ADAMTS9: variants seen among roughly 807,000 people sequenced by gnomAD.
ADAMTS9 encodes ADAM metallopeptidase with thrombospondin type 1 motif 9, also known as A disintegrin and metalloproteinase with thrombospondin motifs 9.
Under a neutral mutation model 257.1 loss-of-function variants are expected in ADAMTS9, and 107 were observed. That is an observed-to-expected ratio of 0.42 (90% CI 0.36 to 0.49). The LOEUF (loss-of-function observed/expected upper bound fraction) is 0.49. Among genes scored for constraint, ADAMTS9 ranks in the 20% least tolerant of loss-of-function variants. The pLI is 0.03. For synonymous variants in ADAMTS9, 982 were observed against 880.9 expected, an observed-to-expected ratio of 1.11 and a Z score of -2.03; for missense variants, 2,353 against 2,469.1, an observed-to-expected ratio of 0.95 and a Z score of 1.00.
intron 3 of ADAMTS9, among the ~76,000 whole-genome samples, chr3:64,668,722 C>A (rs1025255309): frequency 6.6e-6 from 1 of 152,158 alleles, no homozygotes; most frequent in Admixed American, 6.6e-5. Context: ...GCTGCTGGAA[C>A]GAAGTGGCTC....
At chr3:64,640,473 G>T (rs1700610399) in intron 12 of ADAMTS9, among the ~76,000 whole-genome samples, 1 of 152,162 alleles carries the variant, frequency 6.6e-6, no homozygotes, top group Non-Finnish European at 1.5e-5. Flanking sequence ...AGCCTACTTA[G>T]TTCCTTTACT....
rs1700924297 is a variant in ADAMTS9, at chr3:64,651,227, G to A, written c.1317-64C>T. The A allele has an allele frequency of 2.1e-6, 3 of 1,418,044 alleles. 1 individual carries two copies. In the South Asian group the frequency reaches 4.6e-5, roughly 22 times the overall value. 87.8% of individuals were successfully genotyped at this position (1,418,044 alleles called of 1,614,324 possible). On this transcript the variant is annotated intron_variant, in intron 8 of 39. Coordinates refer to ENST00000498707, the MANE Select transcript of ADAMTS9 (RefSeq NM_182920.2). ...ACCAAGGGATCATGCTGTTCTAATTGCTTCAGGAATGCAACTATCTAAGAG... is the reference window on the plus strand; with the variant it reads ...ACCAAGGGATCATGCTGTTCTAATTACTTCAGGAATGCAACTATCTAAGAG...
chr3:64,647,478 G>T (rs774379405), intron 11 of ADAMTS9, among the ~76,000 whole-genome samples: 9 of 152,286 alleles, frequency 5.9e-5, no homozygotes, highest in Non-Finnish European at 1.3e-4. Flanking sequence ...TCCTTAAAGG[G>T]AACAACACCG....
rs751195752 is a variant in ADAMTS9, at chr3:64,533,290, A to T, written c.5614-20T>A. 6 of 1,603,948 alleles carry T rather than the reference A, an allele frequency of 3.7e-6. No individual in the cohort carries two copies. In the African/African-American group the frequency reaches 6.7e-5, roughly 18 times the overall value. On this transcript the variant is annotated intron_variant, in intron 37 of 39. Coordinates refer to ENST00000498707, the MANE Select transcript of ADAMTS9 (RefSeq NM_182920.2). ...ACGACCCTGGAAAACACGACCAACAAAAGAGATTTTCAGTCCATGTGATGT... is the reference window on the plus strand; with the variant it reads ...ACGACCCTGGAAAACACGACCAACATAAGAGATTTTCAGTCCATGTGATGT...
In ADAMTS9 at chr3:64,541,156, C is replaced by T. The variant is rs531081510; in HGVS notation, c.5460G>A (p.Thr1820=). The change falls in exon 36 of 40, where the codon ACG becomes ACA. Residue 1820 remains threonine (T), a synonymous_variant. Coordinates refer to ENST00000498707, the MANE Select transcript of ADAMTS9 (RefSeq NM_182920.2). The part of the protein sequence containing the change: ...RDDCQCRKDY[T]AAGFSSFQKI... ...TCTGAAAACTGGAAAACCCAGCGGC[C>T]GTGTAATCCTTCCGACATTGGCAGT... is the stretch of plus-strand genomic sequence containing the variant. 2.6e-5 allele frequency: 42 copies of T among 1,614,056 alleles called. No homozygotes were observed. The highest frequency in any genetic ancestry group is 2.2e-4 in the Admixed American group (13 of 59,998).
chr3:64,638,005 T>C (rs934255010), intron 12 of ADAMTS9, among the ~76,000 whole-genome samples: 3 of 152,230 alleles, frequency 2.0e-5, no homozygotes, highest in African/African-American at 2.4e-5. Flanking sequence ...AATTCATTTT[T>C]TTGGATGAAA....
intron 32 of ADAMTS9, among the ~76,000 whole-genome samples, chr3:64,544,243 T>C (rs2083167258): frequency 6.6e-6 from 1 of 152,138 alleles, no homozygotes; most frequent in African/African-American, 2.4e-5. Flanking sequence ...ATGCCTTTCT[T>C]CACAGAATTG....
intron 3 of ADAMTS9, among the ~76,000 whole-genome samples, chr3:64,659,607 G>A (rs1194239182): frequency 2.0e-5 from 3 of 152,028 alleles, no homozygotes; most frequent in Non-Finnish European, 4.4e-5. Context: ...GCACAACCAG[G>A]TATTTTATTA....
intron 3 of ADAMTS9, among the ~76,000 whole-genome samples, chr3:64,674,838 C>T (rs1206080470): frequency 6.6e-6 from 1 of 152,156 alleles, no homozygotes; most frequent in Non-Finnish European, 1.5e-5. Context: ...GGGTACCACT[C>T]GAAGGGCAGC....
chr3:64,598,837 G>A (rs1293394609), intron 26 of ADAMTS9, among the ~76,000 whole-genome samples: 1 of 151,684 alleles, frequency 6.6e-6, no homozygotes, highest in Non-Finnish European at 1.5e-5. Flanking sequence ...CAGCTTTATT[G>A]CCCCAGTAAA....
Position 64,622,297 on chromosome 3 carries a change from C to G in ADAMTS9, c.2587G>C (p.Asp863His). 6.2e-7 allele frequency: 1 copy of G among 1,613,586 alleles called. No homozygotes were observed. The highest frequency in any genetic ancestry group is 8.5e-7 in the Non-Finnish European group (1 of 1,179,896). Residue 863 changes from aspartate to histidine, a missense_variant, in exon 18 of 40, where the codon GAT (aspartate) becomes CAT (histidine). Around this residue, in one of 3 missense-constraint regions of ADAMTS9, gnomAD observed 1,402 missense variants for 1,441.4 expected, o/e 0.97. Coordinates refer to ENST00000498707, the MANE Select transcript of ADAMTS9 (RefSeq NM_182920.2). ...VLSVGKLYNP[D>H]VRYSFNIPIE... ...GGAATATTGAAAGAATAGCGTACAT[C>G]GGGGTTGTACAACTTTCCCACCGAC...
chr3:64,594,160 C>T (rs2084316014), intron 28 of ADAMTS9, 98 bp downstream of exon 28: 6 of 1,291,172 alleles, frequency 4.6e-6, no homozygotes, highest in Non-Finnish European at 5.3e-6. Flanking sequence ...TTCTGGGATG[C>T]CCTTGTAAGT....
intron 3 of ADAMTS9, among the ~76,000 whole-genome samples, chr3:64,674,570 T>C (rs1171393251): frequency 2.6e-5 from 4 of 152,212 alleles, no homozygotes; most frequent in African/African-American, 9.6e-5. Flanking sequence ...CACAGTTCCT[T>C]AAATGCTGCC....
intron 37 of ADAMTS9, 126 bp from the exon 38 acceptor site, chr3:64,533,396 C>T (rs988908025): frequency 2.8e-6 from 2 of 715,154 alleles, no homozygotes; most frequent in African/African-American, 3.5e-5. Context: ...GTGATAGCTA[C>T]TAATTATTGA....
At chr3:64,618,579 C>T (rs1700024358) in intron 19 of ADAMTS9, among the ~76,000 whole-genome samples, 1 of 152,190 alleles carries the variant, frequency 6.6e-6, no homozygotes, top group Admixed American at 6.5e-5. Flanking sequence ...CACTAAGCCT[C>T]AGTTTCCTCA....
intron 16 of ADAMTS9, among the ~76,000 whole-genome samples, chr3:64,625,106 G>A (rs1473074629): frequency 6.6e-6 from 1 of 152,144 alleles, no homozygotes; most frequent in Non-Finnish European, 1.5e-5. Flanking sequence ...GTGAATAAAA[G>A]AAACAAGGAC....
intron 22 of ADAMTS9, among the ~76,000 whole-genome samples, chr3:64,611,190 G>T (rs2084660067): frequency 6.6e-6 from 1 of 151,286 alleles, no homozygotes; most frequent in Admixed American, 6.6e-5. Context: ...ATAAATGCCT[G>T]AAATAAATAT....
chr3:64,621,415 A>G (rs1449379030), intron 18 of ADAMTS9, among the ~76,000 whole-genome samples, 175 bp from the exon 19 acceptor site: 1 of 152,180 alleles, frequency 6.6e-6, no homozygotes, highest in African/African-American at 2.4e-5. Flanking sequence ...AGCCACTCAC[A>G]GGCAATACAT....
intron 38 of ADAMTS9, among the ~76,000 whole-genome samples, chr3:64,529,549 A>C (rs986738451): frequency 1.3e-5 from 2 of 152,216 alleles, no homozygotes; most frequent in Admixed American, 6.5e-5. Context: ...AGCATCCCAG[A>C]GAAGACTGGG....
Sources: gnomAD v4.1 joint callset for allele counts (sites outside exome capture counted in the v4.1 genomes callset) on GRCh38, gnomAD v4.1.1 for gene constraint, gnomAD v4.1.1 regional missense constraint, MANE v1.5 for transcripts, NCBI Gene and HGNC (gene_info 2026-07-23, HGNC 2026-07-21) for gene names.